ARHGAP26: variants seen among roughly 807,000 people sequenced by gnomAD.
The protein encoded by ARHGAP26 is rho GTPase-activating protein 26.
ARHGAP26 carries 38 observed loss-of-function variants against 104.8 expected under a neutral mutation model. That is an observed-to-expected ratio of 0.36 (90% CI 0.28 to 0.48). The LOEUF is 0.48. ARHGAP26 is among the 20% of genes least tolerant of loss of function. ARHGAP26 has a pLI of 0.99. For missense variants in ARHGAP26, 704 were observed against 947.9 expected (o/e 0.74, Z 3.38); for synonymous variants, 341 against 340.0 (o/e 1.00, Z -0.03).
chr5:142,782,231 C>T (rs1757660576), intron 1 of ARHGAP26, among the ~76,000 whole-genome samples: 1 of 152,134 alleles, frequency 6.6e-6, no homozygotes, highest in African/African-American at 2.4e-5. Flanking sequence ...TGCTGAGTTC[C>T]TGCAGGGCAT....
intron 10 of ARHGAP26, among the ~76,000 whole-genome samples, chr5:142,928,223 G>T (rs1184312352): frequency 7.3e-6 from 1 of 136,692 alleles, no homozygotes; most frequent in African/African-American, 2.9e-5. Context: ...GACTTTTTGT[G>T]TGTGTGTGTT....
At chr5:143,150,372 G>C (rs1176599245) in intron 20 of ARHGAP26, among the ~76,000 whole-genome samples, 1 of 152,198 alleles carries the variant, frequency 6.6e-6, no homozygotes. Context: ...CAGTGCTAAT[G>C]GGGACTTACA....
intron 11 of ARHGAP26, among the ~76,000 whole-genome samples, chr5:142,945,917 G>A (rs1767036594): frequency 6.6e-6 from 1 of 152,068 alleles, no homozygotes; most frequent in South Asian, 2.1e-4. Flanking sequence ...ATTGCAATTA[G>A]TTGTCACATC....
At chr5:142,847,179 C>T (rs1454332772) in intron 1 of ARHGAP26, among the ~76,000 whole-genome samples, 2 of 152,094 alleles carry the variant, frequency 1.3e-5, no homozygotes, top group Non-Finnish European at 2.9e-5. Context: ...TCAAATGAAA[C>T]AATGTTTGTA....
chr5:142,954,968 G>T (rs1311619565), intron 11 of ARHGAP26, among the ~76,000 whole-genome samples: 2 of 152,150 alleles, frequency 1.3e-5, no homozygotes, highest in East Asian at 1.9e-4. Context: ...TCTCATTAAA[G>T]ATAAAGAAGG....
rs138059667 is a variant in ARHGAP26, at chr5:142,777,058, C to T, written c.154+6143C>T. ...TTCATGTGTTTGTTGGCCATTGGTG[C>T]GTCATCTTTGCTGAAATGTCTATTC... On this transcript the variant is annotated intron_variant, in intron 1 of 22. Coordinates refer to ENST00000645722, the MANE Select transcript of ARHGAP26 (RefSeq NM_001135608.3). Among the ~76,000 whole-genome samples the T allele has an allele frequency of 6.6e-4, 101 of 152,248 alleles. 1 individual carries two copies. The highest frequency in any genetic ancestry group is 2.2e-3 in the African/African-American group (91 of 41,536).
chr5:143,101,167 C>G (rs892083051), intron 17 of ARHGAP26, among the ~76,000 whole-genome samples: 1 of 152,088 alleles, frequency 6.6e-6, no homozygotes, highest in African/African-American at 2.4e-5. Context: ...ACTGAGAATG[C>G]GTCATATGCC....
At chr5:142,943,460 A>G (rs543899561) in intron 11 of ARHGAP26, among the ~76,000 whole-genome samples, 96 of 152,320 alleles carry the variant, frequency 6.3e-4, no homozygotes, top group Middle Eastern at 3.4e-3. Flanking sequence ...GTCCTCACAC[A>G]GTAGAAGGGC....
chr5:142,836,068 A>G (rs1293581892), intron 1 of ARHGAP26, among the ~76,000 whole-genome samples: 1 of 152,202 alleles, frequency 6.6e-6, no homozygotes. Context: ...TTGGGAATGG[A>G]ATCTTCACGT....
At chr5:143,179,578 G>C (rs572531813) in intron 20 of ARHGAP26, among the ~76,000 whole-genome samples, 1 of 152,300 alleles carries the variant, frequency 6.6e-6, no homozygotes, top group African/African-American at 2.4e-5. Flanking sequence ...TGGCTCCCTG[G>C]GAGAGAAGGA....
chr5:143,009,534 A>G lies in ARHGAP26; in HGVS notation c.1108-4546A>G, dbSNP rs531546052. ...GAGAACCGAATAAGACAATGCACAC[A>G]GAATGCTTGGCATGATGTCTGGCAC... is the stretch of plus-strand genomic sequence containing the variant. On this transcript the variant is annotated intron_variant, in intron 11 of 22. Transcript: ENST00000645722. Among the ~76,000 whole-genome samples the G allele has an allele frequency of 2.4e-4, 37 of 152,354 alleles. No individual in the cohort carries two copies. The East Asian group carries it at 6.2e-3, about 25-fold the overall frequency.
chr5:143,082,062 C>T (rs1197304926), intron 17 of ARHGAP26, among the ~76,000 whole-genome samples: 1 of 148,028 alleles, frequency 6.8e-6, no homozygotes, highest in South Asian at 2.1e-4. Flanking sequence ...GTAACTCTTT[C>T]TCTGGATCTG....
chr5:143,025,306 A>G (rs1419475185), intron 12 of ARHGAP26, among the ~76,000 whole-genome samples: 1 of 152,156 alleles, frequency 6.6e-6, no homozygotes, highest in Non-Finnish European at 1.5e-5. Flanking sequence ...TTTGATTCTG[A>G]ATGCCCTCTC....
chr5:142,819,665 C>T (rs557238571), intron 1 of ARHGAP26, among the ~76,000 whole-genome samples: 167 of 152,260 alleles, frequency 1.1e-3, no homozygotes, highest in African/African-American at 3.9e-3. Context: ...TTTAGGTGTA[C>T]AGTGACACAA....
chr5:143,038,684 C>CTTTTTTTTTTTT (rs60428049), intron 13 of ARHGAP26, among the ~76,000 whole-genome samples: 1 of 64,384 alleles, frequency 1.6e-5, no homozygotes, highest in Non-Finnish European at 2.6e-5. Context: ...GACATACGGC[C>CTTTTTTTTTTTT]TTTTTTTTTT....
At chr5:142,821,289 A>G (rs1465510900) in intron 1 of ARHGAP26, among the ~76,000 whole-genome samples, 1 of 146,280 alleles carries the variant, frequency 6.8e-6, no homozygotes, top group Non-Finnish European at 1.5e-5. Context: ...CAGGCTTCCT[A>G]AGGTAGAGTG....
rs759599661 is a variant in ARHGAP26 at position 143,147,393 on chromosome 5, G to A, written c.1988+12G>A. On this transcript the variant is annotated intron_variant, in intron 20 of 22. Transcript: ENST00000645722. ...CGGCCCAACTCACTGTAAGTATGAT[G>A]TCCAGCTGCCTACCCCACAAGGGCT... 1.2e-6 allele frequency: 2 copies of A among 1,609,448 alleles called. No homozygotes were observed. Among genetic ancestry groups the A allele is most frequent in the Non-Finnish European group, 1.7e-6 (2 of 1,177,832 alleles).
In ARHGAP26 at chr5:142,806,136, C is replaced by T. The variant is rs79811155; in HGVS notation, c.154+35221C>T. Among the ~76,000 whole-genome samples, 670 of 152,300 alleles carry T rather than the reference C, an allele frequency of 4.4e-3. 5 individuals carry two copies. The highest frequency in any genetic ancestry group is 0.015 in the African/African-American group (641 of 41,558). ...GGAGACAGAGTCTTGCTGTTTTGCC[C>T]AGGCTGGAATGCAAGGCACAAAGAC... On this transcript the variant is annotated intron_variant, in intron 1 of 22. Transcript: ENST00000645722.
intron 12 of ARHGAP26, among the ~76,000 whole-genome samples, chr5:143,036,494 T>C (rs1782664883): frequency 6.6e-6 from 1 of 152,204 alleles, no homozygotes; most frequent in Admixed American, 6.5e-5. Flanking sequence ...TTTGGTAGTG[T>C]CTTTGTTCTT....
Sources: gnomAD v4.1 joint callset for allele counts (sites outside exome capture counted in the v4.1 genomes callset) on GRCh38, gnomAD v4.1.1 for gene constraint, MANE v1.5 for transcripts, NCBI Gene and HGNC (gene_info 2026-07-23, HGNC 2026-07-21) for gene names.